HMGB1: variants seen among roughly 807,000 people sequenced by gnomAD.
HMGB1 encodes the protein high mobility group protein B1.
For missense variants in HMGB1, 79 were observed against 253.5 expected (o/e 0.31, Z 4.67); for synonymous variants, 81 against 84.0 (o/e 0.96, Z 0.19).
At chr13:30,474,759 C>T (rs1457379024) in intron 1 of HMGB1, among the ~76,000 whole-genome samples, 6 of 92,856 alleles carry the variant, frequency 6.5e-5, no homozygotes, top group South Asian at 4.7e-4. Flanking sequence ...TCTCTCTCTC[C>T]TTTTTTTTTT....
intron 1 of HMGB1, among the ~76,000 whole-genome samples, chr13:30,501,580 T>G (rs1393151316): frequency 6.6e-6 from 1 of 152,076 alleles, no homozygotes; most frequent in Admixed American, 6.6e-5. Context: ...AAATAGAAAT[T>G]AAAAACTTCC....
At chr13:30,615,133 T>C (rs1380508480) in intron 1 of HMGB1, among the ~76,000 whole-genome samples, 1 of 152,236 alleles carries the variant, frequency 6.6e-6, no homozygotes, top group East Asian at 1.9e-4. Context: ...TGCATACCTC[T>C]ATCATTGCAT....
At chr13:30,476,295 A>G (rs1407804615) in intron 1 of HMGB1, among the ~76,000 whole-genome samples, 1 of 151,536 alleles carries the variant, frequency 6.6e-6, no homozygotes, top group Non-Finnish European at 1.5e-5. Flanking sequence ...AAGCCACCAC[A>G]CTCAGCTAAT....
At chr13:30,616,341 C>T (rs1950562115) in intron 1 of HMGB1, among the ~76,000 whole-genome samples, 1 of 152,200 alleles carries the variant, frequency 6.6e-6, no homozygotes, top group Non-Finnish European at 1.5e-5. Context: ...TTGCAGACAA[C>T]GTTTTAAAAA....
intron 1 of HMGB1, among the ~76,000 whole-genome samples, chr13:30,576,633 C>G (rs189015709): frequency 6.6e-6 from 1 of 151,730 alleles, no homozygotes; most frequent in African/African-American, 2.4e-5. Flanking sequence ...GGTGATGTGA[C>G]CCAGCCTGTG....
intron 1 of HMGB1, among the ~76,000 whole-genome samples, chr13:30,533,814 A>T (rs567260110): frequency 4.6e-5 from 7 of 151,800 alleles, no homozygotes; most frequent in East Asian, 1.9e-4. Flanking sequence ...TACATAATTT[A>T]AAAAAAAATC....
chr13:30,556,549 T>C (rs1869699486), intron 1 of HMGB1, among the ~76,000 whole-genome samples: 2 of 152,154 alleles, frequency 1.3e-5, no homozygotes, highest in Non-Finnish European at 2.9e-5. Context: ...AAATGTGATA[T>C]ATACACACTA....
At chr13:30,519,497 C>T (rs764384255) in intron 1 of HMGB1, among the ~76,000 whole-genome samples, 49 of 150,278 alleles carry the variant, frequency 3.3e-4, no homozygotes, top group Non-Finnish European at 6.3e-4. Context: ...AGATCGAGAC[C>T]ATCCCGGCTA....
At position 30,459,459 on chromosome 13, in the gene HMGB1, A is replaced by T. The variant is rs1258003931; in HGVS notation, c.*1898T>A. 1.3e-5 allele frequency: 2 copies of T among 152,196 alleles called. No individual in the cohort carries two copies. Among genetic ancestry groups the T allele is most frequent in the Non-Finnish European group, 2.9e-5 (2 of 68,028 alleles). 9.4% of individuals were successfully genotyped at this position (152,196 alleles called of 1,614,324 possible). A position where few individuals can be genotyped will look rare whatever the true frequency, so the allele number is the denominator to read the frequency against. Reference sequence around the variant, plus strand: ...TTATTAATGTTGGTGATTAATGGTGATTTCTATACAGTAGAAACTTCCATC... The same window carrying T: ...TTATTAATGTTGGTGATTAATGGTGTTTTCTATACAGTAGAAACTTCCATC... On this transcript the variant is annotated 3_prime_UTR_variant, in exon 5 of 5. Coordinates refer to ENST00000341423, the MANE Select transcript of HMGB1 (RefSeq NM_002128.7).
chr13:30,517,575 G>A (rs1020573202), intron 1 of HMGB1, among the ~76,000 whole-genome samples: 2 of 152,146 alleles, frequency 1.3e-5, no homozygotes, highest in East Asian at 1.9e-4. Flanking sequence ...TGTATTTTTA[G>A]TAGAGATGGG....
At chr13:30,483,543 T>C (rs556540641) in intron 1 of HMGB1, among the ~76,000 whole-genome samples, 1 of 152,144 alleles carries the variant, frequency 6.6e-6, no homozygotes, top group Non-Finnish European at 1.5e-5. Flanking sequence ...ATTATGACAT[T>C]ATGATCGTGA....
intron 1 of HMGB1, among the ~76,000 whole-genome samples, chr13:30,568,396 A>C (rs1428184135): frequency 1.3e-5 from 2 of 152,142 alleles, no homozygotes; most frequent in Non-Finnish European, 2.9e-5. Context: ...AGTTCCAGCT[A>C]CTTGAGAGGC....
At chr13:30,573,264 A>C (rs1395412730) in intron 1 of HMGB1, among the ~76,000 whole-genome samples, 2 of 152,230 alleles carry the variant, frequency 1.3e-5, no homozygotes, top group African/African-American at 4.8e-5. Context: ...GGTTCTGTAG[A>C]GATAAGGACA....
intron 1 of HMGB1, among the ~76,000 whole-genome samples, chr13:30,524,698 AT>A (rs1238432765): frequency 5.5e-5 from 3 of 54,796 alleles, no homozygotes; most frequent in Non-Finnish European, 1.6e-4. Flanking sequence ...ATAAAATAAA[AT>A]AAATAATAAT....
At chr13:30,605,448 T>A (rs553709763) in intron 1 of HMGB1, among the ~76,000 whole-genome samples, 3 of 152,218 alleles carry the variant, frequency 2.0e-5, no homozygotes, top group South Asian at 2.1e-4. Context: ...AGCCAAGAAG[T>A]AGGAGAACTG....
Position 30,459,777 on chromosome 13 carries a change from GTAT to G in HMGB1, c.*1577_*1579del, listed in dbSNP as rs893308596. ...CTTATTTAAAAGGTACTGCTAAGAG[GTAT>G]TATTAGAAACAAGATTTAAAAATAT... On this transcript the variant is annotated 3_prime_UTR_variant, in exon 5 of 5. Transcript: ENST00000341423. The G allele has an allele frequency of 5.3e-5, 8 of 152,244 alleles. No homozygotes were observed. Among genetic ancestry groups the G allele is most frequent in the South Asian group, 4.1e-4 (2 of 4,820 alleles). The allele number at this position is 152,244 out of a possible 1,614,324, so 9.4% of individuals were successfully genotyped here. A position where few individuals can be genotyped will look rare whatever the true frequency, so the allele number is the denominator to read the frequency against.
intron 1 of HMGB1, among the ~76,000 whole-genome samples, chr13:30,552,972 A>G (rs1478101430): frequency 6.6e-6 from 1 of 152,176 alleles, no homozygotes; most frequent in Non-Finnish European, 1.5e-5. Flanking sequence ...GTCCCATGGG[A>G]ACCACTTGGC....
intron 1 of HMGB1, among the ~76,000 whole-genome samples, chr13:30,582,902 C>T (rs1481522913): frequency 6.6e-6 from 1 of 152,188 alleles, no homozygotes; most frequent in Non-Finnish European, 1.5e-5. Context: ...CTAAATCTAA[C>T]ACATATCCTA....
intron 2 of HMGB1, 75 bp downstream of exon 2, chr13:30,463,456 A>ACTAGG (rs1244626369): frequency 1.3e-6 from 2 of 1,549,996 alleles, no homozygotes; most frequent in African/African-American, 2.8e-5. Flanking sequence ...GAGAATGCCA[A>ACTAGG]CTAGGCTTTT....
Sources: gnomAD v4.1 joint callset for allele counts (sites outside exome capture counted in the v4.1 genomes callset) on GRCh38, gnomAD v4.1.1 for gene constraint, MANE v1.5 for transcripts, NCBI Gene and HGNC (gene_info 2026-07-23, HGNC 2026-07-21) for gene names.